The following TP63 variants were observed in gnomAD, a reference collection of about 807,000 sequenced individuals.
TP63 encodes the protein tumor protein 63.
In TP63, 17 loss-of-function variants were observed where a neutral mutation model predicts 82.8. The ratio of observed to expected loss-of-function variants is 0.21; its 90% CI spans 0.14 to 0.31. The LOEUF (loss-of-function observed/expected upper bound fraction) is 0.31. Ranked by LOEUF, TP63 falls within the 10% of genes least tolerant of loss-of-function variation. The probability of loss-of-function intolerance (pLI) is 1.00; values close to 1 mark genes in which losing one functional copy is unlikely to be tolerated. For synonymous variants in TP63, 330 were observed against 321.7 expected (o/e 1.03, Z -0.28); for missense variants, 648 against 895.3 (o/e 0.72, Z 3.52).
intron 1 of TP63, among the ~76,000 whole-genome samples, chr3:189,634,259 G>A (rs1483802306): frequency 1.3e-5 from 2 of 151,842 alleles, no homozygotes; most frequent in African/African-American, 2.4e-5. Flanking sequence ...TTAGAAAGAA[G>A]TCATGAAAGA....
At chr3:189,775,882 C>T (rs1723757234) in intron 3 of TP63, among the ~76,000 whole-genome samples, 1 of 152,028 alleles carries the variant, frequency 6.6e-6, no homozygotes, top group East Asian at 1.9e-4. Context: ...AGCCTTGGGC[C>T]ACAAACAAAA....
At position 189,812,440 on chromosome 3, in the gene TP63, A is replaced by G. The variant is rs541702949; in HGVS notation, c.579+3914A>G. On this transcript the variant is annotated intron_variant, in intron 4 of 13. Coordinates refer to ENST00000264731, the MANE Select transcript of TP63 (RefSeq NM_003722.5). ...TTATTTCCACAATTTAATTGATACT[A>G]GTTACAGAGGCCTATCATTTAATAT... Among the ~76,000 whole-genome samples, 4 of 152,332 alleles carry G rather than the reference A, an allele frequency of 2.6e-5. No individual in the cohort carries two copies. In the South Asian group the frequency reaches 6.2e-4, roughly 24 times the overall value.
chr3:189,645,158 A>G (rs1292428562), intron 1 of TP63, among the ~76,000 whole-genome samples: 1 of 152,188 alleles, frequency 6.6e-6, no homozygotes, highest in Non-Finnish European at 1.5e-5. Flanking sequence ...TTGTCCTAAA[A>G]TGCTTACTTT....
intron 3 of TP63, among the ~76,000 whole-genome samples, chr3:189,751,871 T>C (rs1212908718): frequency 1.3e-5 from 2 of 152,192 alleles, no homozygotes; most frequent in Non-Finnish European, 2.9e-5. Flanking sequence ...TTGCTTTTGG[T>C]GTTTTAATCA....
chr3:189,875,609 T>TATATATATACACAC (rs1553859653), intron 10 of TP63, among the ~76,000 whole-genome samples: 8 of 62,994 alleles, frequency 1.3e-4, no homozygotes, highest in Admixed American at 3.1e-4. Context: ...TATATATATA[T>TATATATATACACAC]ATATATATAT....
At chr3:189,673,871 T>C (rs567200657) in intron 1 of TP63, among the ~76,000 whole-genome samples, 1 of 152,278 alleles carries the variant, frequency 6.6e-6, no homozygotes, top group East Asian at 1.9e-4. Flanking sequence ...GTGAAGTAAT[T>C]GGCATAAACC....
intron 1 of TP63, among the ~76,000 whole-genome samples, chr3:189,643,858 T>C (rs1328699027): frequency 6.6e-6 from 1 of 152,200 alleles, no homozygotes; most frequent in Non-Finnish European, 1.5e-5. Context: ...TTTGGGATCA[T>C]AGTTGACCCA....
intron 1 of TP63, among the ~76,000 whole-genome samples, chr3:189,662,423 TGA>T (rs1287632789): frequency 6.6e-6 from 1 of 152,118 alleles, no homozygotes; most frequent in Non-Finnish European, 1.5e-5. Flanking sequence ...CACTGTGATC[TGA>T]GAGTATCGTT....
At chr3:189,855,708 G>A (rs1560263651) in intron 4 of TP63, among the ~76,000 whole-genome samples, 1 of 151,970 alleles carries the variant, frequency 6.6e-6, no homozygotes, top group Non-Finnish European at 1.5e-5. Context: ...ATATGTGTGT[G>A]TGTGTGTATG....
intron 1 of TP63, among the ~76,000 whole-genome samples, chr3:189,668,185 A>G (rs16864691): frequency 0.039 from 5,874 of 152,226 alleles, 143 homozygotes; most frequent in Middle Eastern, 0.054. Flanking sequence ...TAAATAGGCT[A>G]TGATAGAGCT....
At chr3:189,704,707 C>T (rs1283818034) in intron 1 of TP63, among the ~76,000 whole-genome samples, 1 of 152,220 alleles carries the variant, frequency 6.6e-6, no homozygotes, top group Non-Finnish European at 1.5e-5. Flanking sequence ...TATTCCTCGA[C>T]AGAATAGGTT....
chr3:189,698,979 A>G (rs1429770792), intron 1 of TP63, among the ~76,000 whole-genome samples: 1 of 152,210 alleles, frequency 6.6e-6, no homozygotes, highest in Non-Finnish European at 1.5e-5. Flanking sequence ...ATATTGAGTT[A>G]AGCTAGTATT....
chr3:189,624,193 C>T, the TP63 span, among the ~76,000 whole-genome samples: 105 of 152,182 alleles, frequency 6.9e-4, no homozygotes, highest in African/African-American at 2.4e-3. Flanking sequence ...ATATTAACTG[C>T]TTTTAAGTGT....
At chr3:189,615,610 A>G in the TP63 span, among the ~76,000 whole-genome samples, 1 of 151,826 alleles carries the variant, frequency 6.6e-6, no homozygotes, top group Non-Finnish European at 1.5e-5. Context: ...CTCAGTTTCC[A>G]CTCCCATATG....
upstream of TP63, among the ~76,000 whole-genome samples, chr3:189,628,105 A>T (rs2108598383): frequency 6.6e-6 from 1 of 152,236 alleles, no homozygotes; most frequent in Non-Finnish European, 1.5e-5. Flanking sequence ...TCTATTCAAA[A>T]ATAGCTAGAC....
At chr3:189,756,843 C>G (rs1003285695) in intron 3 of TP63, among the ~76,000 whole-genome samples, 19 of 152,154 alleles carry the variant, frequency 1.2e-4, no homozygotes, top group African/African-American at 4.6e-4. Flanking sequence ...ACACTGTGCT[C>G]AGACTGTATG....
At chr3:189,828,141 C>T (rs1009782783) in intron 4 of TP63, among the ~76,000 whole-genome samples, 2 of 151,340 alleles carry the variant, frequency 1.3e-5, no homozygotes. Flanking sequence ...CTCGGGAAGC[C>T]GAGGCAGGAT....
intron 3 of TP63, among the ~76,000 whole-genome samples, chr3:189,759,563 T>C (rs1265990248): frequency 6.6e-6 from 1 of 152,182 alleles, no homozygotes; most frequent in African/African-American, 2.4e-5. Context: ...TCAATACATA[T>C]GAGGTATACA....
intron 10 of TP63, chr3:189,880,161 C>G: frequency 2.5e-6 from 4 of 1,613,598 alleles, no homozygotes; most frequent in Non-Finnish European, 3.4e-6. Context: ...GCCCCCAAAC[C>G]GATCAGTGTA....
Sources: allele counts gnomAD v4.1 joint callset (sites outside exome capture counted in the v4.1 genomes callset), GRCh38; gene constraint gnomAD v4.1.1; transcripts MANE v1.5; gene names NCBI Gene and HGNC (gene_info 2026-07-23, HGNC 2026-07-21).